The following MGAT4C variants were observed in gnomAD, a reference collection of about 807,000 sequenced individuals.
MGAT4C encodes the protein MGAT4 family member C.
A neutral mutation model predicts 40.1 loss-of-function variants in MGAT4C; 19 were observed. The observed-to-expected ratio is 0.47, with a 90% CI of 0.33 to 0.70. The LOEUF (loss-of-function observed/expected upper bound fraction) is 0.70. MGAT4C is among the 30% of genes least tolerant of loss of function. The pLI is 0.02. For missense variants in MGAT4C, 491 were observed against 563.2 expected, an observed-to-expected ratio of 0.87 and a Z score of 1.30; for synonymous variants, 181 against 187.1, an observed-to-expected ratio of 0.97 and a Z score of 0.27.
chr12:85,994,622 C>T (rs866240112), intron 2 of MGAT4C, among the ~76,000 whole-genome samples: 2 of 151,846 alleles, frequency 1.3e-5, no homozygotes, highest in Admixed American at 6.6e-5. Context: ...AATCCCCCCC[C>T]AGCCGCCAAA....
At chr12:86,058,428 G>A (rs1449548844) in intron 1 of MGAT4C, among the ~76,000 whole-genome samples, 3 of 151,976 alleles carry the variant, frequency 2.0e-5, no homozygotes, top group Non-Finnish European at 2.9e-5. Flanking sequence ...AGTAAAAAAT[G>A]TTTCCCTAGT....
chr12:86,078,937 G>T (rs895768244), intron 1 of MGAT4C, among the ~76,000 whole-genome samples: 4 of 152,176 alleles, frequency 2.6e-5, no homozygotes, highest in Non-Finnish European at 5.9e-5. Context: ...TTTATGTATA[G>T]AAGTTATTTT....
At chr12:86,535,681 CAATT>C (rs1959056432) in intron 2 of MGAT4C, among the ~76,000 whole-genome samples, 1 of 152,042 alleles carries the variant, frequency 6.6e-6, no homozygotes, top group African/African-American at 2.4e-5. Flanking sequence ...CAAATCTAAA[CAATT>C]AATCCTCCTG....
intron 3 of MGAT4C, among the ~76,000 whole-genome samples, chr12:86,367,803 A>G (rs182648765): frequency 6.6e-6 from 1 of 151,712 alleles, no homozygotes; most frequent in Non-Finnish European, 1.5e-5. Flanking sequence ...CCGTCTCAAA[A>G]AAACAAACAA....
intron 1 of MGAT4C, among the ~76,000 whole-genome samples, chr12:86,753,582 T>C (rs1951257354): frequency 6.6e-6 from 1 of 151,970 alleles, no homozygotes; most frequent in Non-Finnish European, 1.5e-5. Flanking sequence ...CGAGATGGTC[T>C]CGGCAGTCAC....
In MGAT4C at chr12:86,405,982, TAC is replaced by T. The variant is rs60879012; in HGVS notation, c.-120+29173_-120+29174del. On this transcript the variant is annotated intron_variant, in intron 3 of 7. Transcript: ENST00000548651. ...TTTATATTATACATATATATATATA[TAC>T]ACAAAAAATATATATTATATATAAA... Among the ~76,000 whole-genome samples the T allele has an allele frequency of 8.9e-4, 117 of 131,092 alleles. 2 individuals carry two copies. Among genetic ancestry groups the T allele is most frequent in the African/African-American group, 3.2e-3 (108 of 33,866 alleles). The allele number at this position is 131,092 out of a possible 152,430, so 86.0% of individuals were successfully genotyped here.
At chr12:86,237,314 T>C (rs775519777) in intron 1 of MGAT4C, among the ~76,000 whole-genome samples, 17 of 151,766 alleles carry the variant, frequency 1.1e-4, no homozygotes, top group Non-Finnish European at 2.2e-4. Context: ...CGTTTTCTTA[T>C]CAATAAAATT....
In MGAT4C at chr12:86,267,227, A is replaced by T. The variant is rs150306606; in HGVS notation, c.-57+66838T>A. The stretch of plus-strand genomic sequence containing the variant: ...ATCTTTCTACTTTTTTAATGCAGAT[A>T]TTGAAGCTATAAAGTTCTCTCTTAG... On this transcript the variant is annotated intron_variant, in intron 4 of 7. Transcript: ENST00000548651. Among the ~76,000 whole-genome samples, 360 of 152,172 alleles carry T rather than the reference A, an allele frequency of 2.4e-3. 1 individual carries two copies. Among genetic ancestry groups the T allele is most frequent in the African/African-American group, 8.0e-3 (334 of 41,526 alleles).
intron 4 of MGAT4C, among the ~76,000 whole-genome samples, chr12:86,326,304 A>T (rs1333770022): frequency 1.3e-5 from 2 of 149,378 alleles, no homozygotes; most frequent in East Asian, 2.0e-4. Flanking sequence ...CATCACACAC[A>T]CACACACACA....
intron 1 of MGAT4C, among the ~76,000 whole-genome samples, chr12:86,774,168 G>C (rs112150794): frequency 6.6e-6 from 1 of 151,546 alleles, no homozygotes; most frequent in East Asian, 2.0e-4. Flanking sequence ...TGGCCAGGCT[G>C]GTCTTGAACT....
intron 2 of MGAT4C, among the ~76,000 whole-genome samples, chr12:86,597,847 C>T (rs980199104): frequency 2.6e-5 from 4 of 152,092 alleles, no homozygotes; most frequent in African/African-American, 9.7e-5. Context: ...TCTCCCACCT[C>T]CTCCCTTGGC....
chr12:86,076,233 G>C (rs889257218), intron 1 of MGAT4C, among the ~76,000 whole-genome samples: 1 of 152,184 alleles, frequency 6.6e-6, no homozygotes, highest in Non-Finnish European at 1.5e-5. Flanking sequence ...CATAAGAAGA[G>C]TCACCTTTGC....
chr12:86,800,122 C>T (rs898279668), intron 1 of MGAT4C, among the ~76,000 whole-genome samples: 1 of 151,860 alleles, frequency 6.6e-6, no homozygotes, highest in Non-Finnish European at 1.5e-5. Context: ...CTTAGACTAC[C>T]ATTTCAGCTG....
At chr12:86,091,294 T>C (rs548332434) in intron 1 of MGAT4C, among the ~76,000 whole-genome samples, 2 of 152,180 alleles carry the variant, frequency 1.3e-5, no homozygotes, top group South Asian at 4.1e-4. Context: ...CCTCAATGTA[T>C]AATTGTCAAC....
intron 1 of MGAT4C, among the ~76,000 whole-genome samples, chr12:86,246,834 A>G (rs1952056003): frequency 6.6e-6 from 1 of 152,208 alleles, no homozygotes; most frequent in South Asian, 2.1e-4. Flanking sequence ...CTTGCTATCT[A>G]ATATCTCAAA....
intron 1 of MGAT4C, among the ~76,000 whole-genome samples, chr12:86,771,686 A>ATGTGTGTGTGTG: frequency 6.8e-6 from 1 of 146,862 alleles, no homozygotes; most frequent in East Asian, 2.0e-4. Context: ...ATAAATATAT[A>ATGTGTGTGTGTG]TGTGTGTGTG....
Position 85,980,300 on chromosome 12 carries a change from T to C in MGAT4C, c.426A>G (p.Ala142=). The change falls in exon 5 of 5, where the codon GCA becomes GCG. Residue 142 remains alanine (A), a synonymous_variant. Coordinates refer to ENST00000611864, the MANE Select transcript of MGAT4C (RefSeq NM_001351288.2). ...LKEISVVVHL[A]DFNSSWRDAM... is the part of the protein sequence containing the mutation. ...CATCACGCCAGGAAGAATTAAAGTC[T>C]GCTAGGTGAACCACCACTGAAATTT... The C allele has an allele frequency of 6.2e-7, 1 of 1,614,004 alleles. No homozygotes were observed.
At chr12:86,581,935 C>A (rs1383030167) in intron 2 of MGAT4C, among the ~76,000 whole-genome samples, 2 of 151,388 alleles carry the variant, frequency 1.3e-5, no homozygotes, top group Non-Finnish European at 3.0e-5. Flanking sequence ...CATCTGCTGG[C>A]TTCCTCTTTT....
intron 1 of MGAT4C, among the ~76,000 whole-genome samples, chr12:86,183,367 G>A (rs1888337484): frequency 6.6e-6 from 1 of 152,040 alleles, no homozygotes; most frequent in Non-Finnish European, 1.5e-5. Flanking sequence ...TGTAACTTGA[G>A]CTAGTTATTT....
Sources: gnomAD v4.1 joint callset for allele counts (sites outside exome capture counted in the v4.1 genomes callset) on GRCh38, gnomAD v4.1.1 for gene constraint, MANE v1.5 for transcripts, NCBI Gene and HGNC (gene_info 2026-07-23, HGNC 2026-07-21) for gene names.